The following LRRC4C variants were observed in gnomAD, a reference collection of about 807,000 sequenced individuals.
LRRC4C encodes leucine rich repeat containing 4C.
In LRRC4C, 5 loss-of-function variants were observed where a neutral mutation model predicts 33.6. That is an observed-to-expected ratio of 0.15 (90% CI 0.08 to 0.31). The LOEUF (loss-of-function observed/expected upper bound fraction) is 0.31. Ranked by LOEUF, LRRC4C falls within the 10% of genes least tolerant of loss-of-function variation. LRRC4C has a pLI of 1.00. For synonymous variants in LRRC4C, 329 were observed against 302.0 expected (o/e 1.09, Z -0.93); for missense variants, 560 against 796.7 (o/e 0.70, Z 3.58).
intron 1 of LRRC4C, among the ~76,000 whole-genome samples, chr11:41,185,872 T>A (rs981027087): frequency 5.3e-5 from 8 of 151,248 alleles, no homozygotes; most frequent in East Asian, 3.9e-4. Context: ...ACCAAAATTT[T>A]AAAAAAAGAA....
intron 1 of LRRC4C, among the ~76,000 whole-genome samples, chr11:41,377,502 C>A (rs1952980293): frequency 6.6e-6 from 1 of 152,116 alleles, no homozygotes; most frequent in African/African-American, 2.4e-5. Flanking sequence ...AGGAAAAAAA[C>A]AACGATAACC....
intron 1 of LRRC4C, among the ~76,000 whole-genome samples, chr11:41,031,500 G>A (rs1043982981): frequency 5.3e-5 from 8 of 151,972 alleles, no homozygotes; most frequent in African/African-American, 1.4e-4. Context: ...ATGAAAAAGT[G>A]GCTCAGGGTG....
intron 5 of LRRC4C, among the ~76,000 whole-genome samples, chr11:40,211,057 C>CT (rs1311593552): frequency 6.6e-6 from 1 of 152,126 alleles, no homozygotes; most frequent in African/African-American, 2.4e-5. Context: ...GATCACAGGC[C>CT]TGAGCAACTG....
At chr11:41,267,707 A>AT (rs1949195824) in intron 1 of LRRC4C, among the ~76,000 whole-genome samples, 1 of 152,094 alleles carries the variant, frequency 6.6e-6, no homozygotes, top group Non-Finnish European at 1.5e-5. Context: ...GGAAGCTTAG[A>AT]TTTCCAGATC....
At chr11:40,825,274 G>A (rs1952110157) in intron 2 of LRRC4C, among the ~76,000 whole-genome samples, 1 of 151,764 alleles carries the variant, frequency 6.6e-6, no homozygotes, top group African/African-American at 2.4e-5. Context: ...TCACTATGCC[G>A]TGTTGCCGAG....
intron 2 of LRRC4C, among the ~76,000 whole-genome samples, chr11:40,919,785 A>G (rs1957100945): frequency 6.6e-6 from 1 of 152,192 alleles, no homozygotes; most frequent in Non-Finnish European, 1.5e-5. Flanking sequence ...AAATCTACAC[A>G]TTTAACATGA....
chr11:40,714,894 G>T (rs1479407644), intron 2 of LRRC4C, among the ~76,000 whole-genome samples: 1 of 152,076 alleles, frequency 6.6e-6, no homozygotes, highest in African/African-American at 2.4e-5. Context: ...ATGATATGCT[G>T]CCACTACCTT....
At chr11:41,419,346 C>T (rs958149101) in intron 1 of LRRC4C, among the ~76,000 whole-genome samples, 17 of 151,860 alleles carry the variant, frequency 1.1e-4, no homozygotes, top group Non-Finnish European at 2.4e-4. Context: ...ACTGTCCTTC[C>T]TCAAGAGAGT....
intron 1 of LRRC4C, among the ~76,000 whole-genome samples, chr11:41,317,285 T>A (rs1950825062): frequency 6.6e-6 from 1 of 151,892 alleles, no homozygotes. Context: ...GAAAGAATAA[T>A]ATCGATTTCA....
chr11:40,984,295 G>A (rs1852767036), intron 1 of LRRC4C, among the ~76,000 whole-genome samples: 1 of 147,598 alleles, frequency 6.8e-6, no homozygotes, highest in Non-Finnish European at 1.5e-5. Flanking sequence ...GAGGGAGAGA[G>A]AGAGAGAGAA....
At chr11:40,234,014 C>T (rs1189236578) in intron 5 of LRRC4C, among the ~76,000 whole-genome samples, 2 of 152,146 alleles carry the variant, frequency 1.3e-5, no homozygotes, top group Admixed American at 6.6e-5. Flanking sequence ...TATATATGAA[C>T]AAAGTGAGGC....
chr11:40,114,629 T>C lies in LRRC4C; in HGVS notation c.1664A>G (p.His555Arg). 4.3e-6 allele frequency: 7 copies of C among 1,614,226 alleles called. No homozygotes were observed. The highest frequency in any genetic ancestry group is 1.7e-5 in the Admixed American group (1 of 60,030). Residue 555 changes from histidine to arginine, a missense_variant, in exon 7 of 7, where the codon CAT becomes CGT. By Grantham distance (29) the His-to-Arg change is conservative. Around this residue, in one of 3 missense-constraint regions of LRRC4C, gnomAD observed 103 missense variants for 132.1 expected, o/e 0.78. Transcript: ENST00000528697. ...TGTTGGGGCGTGATGGTTTTGCCGATGGTGCTGCTTCCTCATCTTGTAGAA... is the reference window on the plus strand; with the variant it reads ...TGTTGGGGCGTGATGGTTTTGCCGACGGTGCTGCTTCCTCATCTTGTAGAA... ...VIFYKMRKQH[H>R]RQNHHAPTRT...
chr11:41,443,089 A>ATTTTTTTTTTTT, intron 1 of LRRC4C, among the ~76,000 whole-genome samples: 31 of 105,952 alleles, frequency 2.9e-4, no homozygotes, highest in Non-Finnish European at 3.9e-4. Context: ...TGTTTGCTTC[A>ATTTTTTTTTTTT]TTTTTTTTTT....
chr11:40,647,849 G>A (rs1423029142), intron 3 of LRRC4C, among the ~76,000 whole-genome samples: 1 of 152,164 alleles, frequency 6.6e-6, no homozygotes, highest in Non-Finnish European at 1.5e-5. Flanking sequence ...ATCTGTTTGA[G>A]AAACAGTTTG....
intron 3 of LRRC4C, among the ~76,000 whole-genome samples, chr11:40,623,445 T>A (rs1962647831): frequency 6.6e-6 from 1 of 152,002 alleles, no homozygotes; most frequent in African/African-American, 2.4e-5. Context: ...TATCTAGCTA[T>A]GAAAATAATT....
intron 3 of LRRC4C, among the ~76,000 whole-genome samples, chr11:40,381,627 A>G (rs1948870348): frequency 6.6e-6 from 1 of 152,142 alleles, no homozygotes; most frequent in South Asian, 2.1e-4. Flanking sequence ...AATATGCTGT[A>G]TACGGGGTAA....
At chr11:40,356,389 G>C (rs1409438074) in intron 3 of LRRC4C, among the ~76,000 whole-genome samples, 1 of 152,116 alleles carries the variant, frequency 6.6e-6, no homozygotes, top group Non-Finnish European at 1.5e-5. Flanking sequence ...TTAAGCATTT[G>C]TTTAAAAAAG....
intron 2 of LRRC4C, among the ~76,000 whole-genome samples, chr11:40,752,011 T>A (rs1948712837): frequency 1.3e-5 from 2 of 152,098 alleles, no homozygotes; most frequent in Admixed American, 1.3e-4. Context: ...AAAGACACCC[T>A]TTTCAATAAA....
At chr11:40,640,555 A>G (rs953276742) in intron 3 of LRRC4C, among the ~76,000 whole-genome samples, 1 of 152,070 alleles carries the variant, frequency 6.6e-6, no homozygotes, top group Non-Finnish European at 1.5e-5. Flanking sequence ...AATATTTTAA[A>G]TAGGTTATAA....
Sources: gnomAD v4.1 joint callset for allele counts (sites outside exome capture counted in the v4.1 genomes callset) on GRCh38, gnomAD v4.1.1 for gene constraint, gnomAD v4.1.1 regional missense constraint, MANE v1.5 for transcripts, NCBI Gene and HGNC (gene_info 2026-07-23, HGNC 2026-07-21) for gene names.